The following DAB1 variants were observed in gnomAD, a reference collection of about 807,000 sequenced individuals.
The protein encoded by DAB1 is DAB adaptor protein 1.
A neutral mutation model predicts 64.6 loss-of-function variants in DAB1; 15 were observed. The observed-to-expected ratio is 0.23, with a 90% CI of 0.16 to 0.36. The LOEUF is 0.36. DAB1 is among the 10% of genes least tolerant of loss of function. DAB1 has a pLI of 1.00. For missense variants in DAB1, 596 were observed against 706.7 expected (o/e 0.84, Z 1.78); for synonymous variants, 235 against 251.9 (o/e 0.93, Z 0.64).
At chr1:57,298,996 T>A (rs960931613) in intron 1 of DAB1, among the ~76,000 whole-genome samples, 1 of 152,194 alleles carries the variant, frequency 6.6e-6, no homozygotes, top group Admixed American at 6.5e-5. Context: ...ATAAGCAGTG[T>A]CTCTATAAAA....
At chr1:57,911,310 A>T (rs1022444617) in intron 5 of DAB1, among the ~76,000 whole-genome samples, 2 of 152,096 alleles carry the variant, frequency 1.3e-5, no homozygotes, top group Non-Finnish European at 2.9e-5. Context: ...TCTGCCTGGG[A>T]CACCAAAATC....
intron 7 of DAB1, among the ~76,000 whole-genome samples, chr1:57,441,254 CTTTTCT>C (rs1685931835): frequency 3.5e-5 from 5 of 144,688 alleles, no homozygotes; most frequent in East Asian, 4.1e-4. Context: ...CTTTTCTTTT[CTTTTCT>C]TTTCTTTCTT....
intron 1 of DAB1, among the ~76,000 whole-genome samples, chr1:57,414,921 G>T (rs1684377554): frequency 6.6e-6 from 1 of 152,148 alleles, no homozygotes; most frequent in African/African-American, 2.4e-5. Flanking sequence ...ATGTCCTAAT[G>T]ATGGCATTAT....
intron 7 of DAB1, among the ~76,000 whole-genome samples, chr1:57,592,193 G>A (rs1391331402): frequency 6.6e-6 from 1 of 152,200 alleles, no homozygotes; most frequent in East Asian, 1.9e-4. Context: ...AGGACTCTGA[G>A]GAGAAAGAGC....
intron 4 of DAB1, chr1:58,228,671 TGG>T: frequency 9.2e-7 from 1 of 1,088,734 alleles, no homozygotes; most frequent in Non-Finnish European, 1.3e-6. Context: ...CAGCCTGGCT[TGG>T]GGTGAGGGCT....
chr1:57,396,384 T>C (rs535774205), intron 1 of DAB1, among the ~76,000 whole-genome samples: 36 of 152,196 alleles, frequency 2.4e-4, no homozygotes, highest in Non-Finnish European at 4.3e-4. Flanking sequence ...TTGTTTTGTT[T>C]TGGTTATTTT....
chr1:57,238,908 T>C (rs1287980634), intron 2 of DAB1, among the ~76,000 whole-genome samples: 1 of 147,716 alleles, frequency 6.8e-6, no homozygotes, highest in African/African-American at 2.5e-5. Flanking sequence ...TAACTTGAAA[T>C]GGTTTTCTTA....
At chr1:57,741,340 A>G (rs1647981525) in intron 6 of DAB1, among the ~76,000 whole-genome samples, 1 of 152,156 alleles carries the variant, frequency 6.6e-6, no homozygotes, top group South Asian at 2.1e-4. Context: ...AATGGATTTC[A>G]TTTTATCCTC....
intron 3 of DAB1, among the ~76,000 whole-genome samples, chr1:58,493,605 C>T (rs1474745023): frequency 6.6e-6 from 1 of 151,554 alleles, no homozygotes; most frequent in African/African-American, 2.4e-5. Context: ...AAATCACAAG[C>T]ATTCTTATAC....
chr1:57,457,397 T>C (rs1410968373), intron 7 of DAB1, among the ~76,000 whole-genome samples: 1 of 152,170 alleles, frequency 6.6e-6, no homozygotes, highest in Non-Finnish European at 1.5e-5. Flanking sequence ...ATAGATCTCT[T>C]CTGTTAAAGG....
intron 5 of DAB1, among the ~76,000 whole-genome samples, chr1:58,104,076 A>G (rs540237228): frequency 1.3e-4 from 20 of 152,350 alleles, no homozygotes; most frequent in African/African-American, 4.6e-4. Flanking sequence ...ATTTCTAAGA[A>G]GGATTCTCCA....
At chr1:57,950,696 T>C (rs1404337558) in intron 5 of DAB1, among the ~76,000 whole-genome samples, 1 of 152,208 alleles carries the variant, frequency 6.6e-6, no homozygotes, top group Non-Finnish European at 1.5e-5. Context: ...ATACCCTCTC[T>C]GTCATCTGAT....
At chr1:58,499,314 C>CAAAAAAAA (rs58217798) in intron 3 of DAB1, among the ~76,000 whole-genome samples, 1 of 69,732 alleles carries the variant, frequency 1.4e-5, no homozygotes, top group Non-Finnish European at 2.8e-5. Flanking sequence ...CACATCTCTA[C>CAAAAAAAA]AAAAAAAAAA....
At chr1:58,081,473 A>T (rs1416294278) in intron 5 of DAB1, among the ~76,000 whole-genome samples, 1 of 152,178 alleles carries the variant, frequency 6.6e-6, no homozygotes, top group Non-Finnish European at 1.5e-5. Context: ...ACTTCTGCCC[A>T]CCCTTGTGGA....
At chr1:58,119,523 T>C (rs1404878660) in intron 5 of DAB1, among the ~76,000 whole-genome samples, 3 of 152,088 alleles carry the variant, frequency 2.0e-5, no homozygotes, top group Non-Finnish European at 4.4e-5. Context: ...CCCCTAAGGT[T>C]TCAAATAGGG....
intron 5 of DAB1, among the ~76,000 whole-genome samples, chr1:58,013,086 A>G (rs146608783): frequency 1.2e-3 from 187 of 152,254 alleles, no homozygotes; most frequent in African/African-American, 4.4e-3. Context: ...TGGGTTCTGG[A>G]CAGTGGAACA....
intron 3 of DAB1, among the ~76,000 whole-genome samples, chr1:58,408,630 T>C (rs1644639244): frequency 2.0e-5 from 3 of 152,238 alleles, no homozygotes; most frequent in Admixed American, 6.5e-5. Flanking sequence ...TTACATTATA[T>C]TGAGAAGTGG....
At chr1:58,182,617 C>G (rs910008909) in intron 4 of DAB1, among the ~76,000 whole-genome samples, 1 of 151,954 alleles carries the variant, frequency 6.6e-6, no homozygotes, top group Non-Finnish European at 1.5e-5. Context: ...TAGTTTTCAA[C>G]TCCAGAACTT....
chr1:57,760,897 GAAGTCACAAAGC>G (rs1257256550), intron 6 of DAB1, among the ~76,000 whole-genome samples: 2 of 152,168 alleles, frequency 1.3e-5, no homozygotes, highest in Admixed American at 6.6e-5. Flanking sequence ...TTGGCCAAAG[GAAGTCACAAAGC>G]AAGTCTCAAA....
Sources: gnomAD v4.1 joint callset for allele counts (sites outside exome capture counted in the v4.1 genomes callset) on GRCh38, gnomAD v4.1.1 for gene constraint, MANE v1.5 for transcripts, NCBI Gene and HGNC (gene_info 2026-07-23, HGNC 2026-07-21) for gene names.